KLF8: variants seen among roughly 807,000 people sequenced by gnomAD.
The protein encoded by KLF8 is KLF transcription factor 8, also known as Krueppel-like factor 8.
KLF8 carries 10 observed loss-of-function variants against 18.2 expected under a neutral mutation model. The ratio of observed to expected loss-of-function variants is 0.55; its 90% CI spans 0.34 to 0.93. KLF8 has a LOEUF of 0.93. KLF8 is among the 40% of genes least tolerant of loss of function. KLF8 has a pLI of 0.02. For missense variants in KLF8, 264 were observed against 277.9 expected (o/e 0.95, Z 0.36); for synonymous variants, 109 against 97.3 (o/e 1.12, Z -0.71).
the KLF8 span, among the ~76,000 whole-genome samples, chrX:56,075,426 G>A: frequency 6.3e-5 from 7 of 110,818 alleles, no homozygotes; most frequent in Non-Finnish European, 1.1e-4. Context: ...TGGCACATGA[G>A]ATGTTTTGAT....
chrX:56,086,438 C>T, the KLF8 span, among the ~76,000 whole-genome samples: 1 of 110,252 alleles, frequency 9.1e-6, no homozygotes, highest in Non-Finnish European at 1.9e-5. Flanking sequence ...AAATATGGGG[C>T]TGAGAGCAGT....
At chrX:55,964,290 A>T in the KLF8 span, among the ~76,000 whole-genome samples, 22 of 112,378 alleles carry the variant, frequency 2.0e-4, no homozygotes, top group African/African-American at 3.6e-4. Flanking sequence ...TGAAATTGAG[A>T]TGCAAAAATT....
At chrX:56,131,535 T>G in the KLF8 span, among the ~76,000 whole-genome samples, 1 of 110,431 alleles carries the variant, frequency 9.1e-6, no homozygotes. Flanking sequence ...AAACAGAACC[T>G]CTTTAAAGCA....
chrX:56,266,282 A>G, intron 3 of KLF8: 1 of 751,919 alleles, frequency 1.3e-6, no homozygotes, highest in Non-Finnish European at 1.6e-6. Flanking sequence ...TCTTCCCTAC[A>G]AAAGAAGTAA....
chrX:56,266,420 A>G (rs1291525255), intron 3 of KLF8: 12 of 712,618 alleles, frequency 1.7e-5, no homozygotes, highest in Non-Finnish European at 1.7e-5. Context: ...ATTCCTGAAA[A>G]ATAATACTCT....
the KLF8 span, among the ~76,000 whole-genome samples, chrX:56,188,977 A>T: frequency 1.8e-5 from 2 of 111,945 alleles, no homozygotes; most frequent in Non-Finnish European, 3.8e-5. Flanking sequence ...CTTCATGTCT[A>T]AAACACCAAA....
chrX:56,027,549 C>T, the KLF8 span, among the ~76,000 whole-genome samples: 5 of 112,282 alleles, frequency 4.5e-5, no homozygotes, highest in African/African-American at 9.7e-5. Context: ...TTCTAGAGCC[C>T]GAGTTAAAGC....
the KLF8 span, among the ~76,000 whole-genome samples, chrX:56,178,178 T>C: frequency 6.6e-4 from 74 of 112,387 alleles, no homozygotes; most frequent in African/African-American, 2.3e-3. Flanking sequence ...GAAATCACTC[T>C]TCTTCTGCTT....
chrX:56,082,481 C>A, the KLF8 span, among the ~76,000 whole-genome samples: 1 of 106,032 alleles, frequency 9.4e-6, no homozygotes, highest in South Asian at 4.0e-4. Context: ...TTTATTGTTT[C>A]TTTGCTTCTG....
chrX:56,153,877 T>C, the KLF8 span, among the ~76,000 whole-genome samples: 1 of 111,316 alleles, frequency 9.0e-6, no homozygotes, highest in Non-Finnish European at 1.9e-5. Context: ...TTACAAGGGA[T>C]GTGAAGGACC....
the KLF8 span, among the ~76,000 whole-genome samples, chrX:56,050,137 G>A: frequency 4.8e-4 from 52 of 109,393 alleles, no homozygotes; most frequent in African/African-American, 1.5e-3. Context: ...TTTTTATTGC[G>A]TCTATTTGAT....
At chrX:56,145,769 G>A in the KLF8 span, among the ~76,000 whole-genome samples, 5 of 111,593 alleles carry the variant, frequency 4.5e-5, no homozygotes, top group East Asian at 1.4e-3. Flanking sequence ...TTGTGCTAAT[G>A]AGTGAACAGG....
chrX:56,185,549 A>C, the KLF8 span, among the ~76,000 whole-genome samples: 1 of 111,403 alleles, frequency 9.0e-6, no homozygotes, highest in African/African-American at 3.3e-5. Context: ...CCTCGAGAAG[A>C]GCAACTCCAA....
At chrX:55,997,341 T>A in the KLF8 span, among the ~76,000 whole-genome samples, 2 of 112,167 alleles carry the variant, frequency 1.8e-5, no homozygotes, top group African/African-American at 6.5e-5. Context: ...CTCTGGGGTC[T>A]GTACTGACTG....
intron 5 of KLF8, among the ~76,000 whole-genome samples, chrX:56,283,302 CT>C (rs1217412490): frequency 2.8e-4 from 31 of 112,063 alleles, no homozygotes; most frequent in Non-Finnish European, 9.4e-5. Flanking sequence ...CACAAAAGAC[CT>C]GTAGCCTTAG....
chrX:56,071,821 A>G, the KLF8 span, among the ~76,000 whole-genome samples: 1,354 of 112,059 alleles, frequency 0.012, 9 homozygotes, highest in Non-Finnish European at 0.016. Flanking sequence ...AAGAGTTTTG[A>G]AAATGTTCCT....
At chrX:56,027,795 G>T in the KLF8 span, among the ~76,000 whole-genome samples, 2 of 112,701 alleles carry the variant, frequency 1.8e-5, no homozygotes, top group African/African-American at 6.4e-5. Flanking sequence ...AGGGCTGTCT[G>T]ATACTGGGAG....
the KLF8 span, among the ~76,000 whole-genome samples, chrX:55,933,213 G>A: frequency 9.0e-6 from 1 of 111,359 alleles, no homozygotes; most frequent in Non-Finnish European, 1.9e-5. Context: ...GTAACATAAG[G>A]AAGAGGTTTA....
the KLF8 span, among the ~76,000 whole-genome samples, chrX:56,187,802 G>A: frequency 1.8e-5 from 2 of 110,095 alleles, no homozygotes; most frequent in Admixed American, 9.6e-5. Flanking sequence ...ATGCAGAAAT[G>A]GCCTTTGACA....
Sources: gnomAD v4.1 joint callset for allele counts (sites outside exome capture counted in the v4.1 genomes callset) on GRCh38, gnomAD v4.1.1 for gene constraint, MANE v1.5 for transcripts, NCBI Gene and HGNC (gene_info 2026-07-23, HGNC 2026-07-21) for gene names.